ABCG4: variants seen among roughly 807,000 people sequenced by gnomAD.
ABCG4 encodes the protein ATP binding cassette subfamily G member 4.
In ABCG4, 35 loss-of-function variants were observed where a neutral mutation model predicts 64.6. The ratio of observed to expected loss-of-function variants is 0.54; its 90% CI spans 0.41 to 0.72. The LOEUF is 0.72. Among genes scored for constraint, ABCG4 ranks in the 30% least tolerant of loss-of-function variants. The probability of loss-of-function intolerance (pLI) is 0.00; values close to 1 mark genes in which losing one functional copy is unlikely to be tolerated. For missense variants in ABCG4, 610 were observed against 846.3 expected, an observed-to-expected ratio of 0.72 and a Z score of 3.46; for synonymous variants, 326 against 348.2, an observed-to-expected ratio of 0.94 and a Z score of 0.71.
At chr11:119,159,512 A>G (rs951751944) in intron 12 of ABCG4, among the ~76,000 whole-genome samples, 11 of 152,240 alleles carry the variant, frequency 7.2e-5, no homozygotes, top group African/African-American at 2.7e-4. Context: ...AAGTGTACCC[A>G]TCTATAAAAT....
In ABCG4 at chr11:119,155,518, C is replaced by T. The variant is rs1948253449; in HGVS notation, c.686+603C>T. On this transcript the variant is annotated intron_variant, in intron 6 of 14. Transcript: ENST00000619701. The surrounding 1 kb of genome is among the most constrained non-coding windows in gnomAD (Gnocchi z 4.5). ...TGTATTTTTAGTAGAGATGGGGTTT[C>T]ACCATGTTGGTCAGGCTGGTCTTGA... 1 of 152,594 alleles carries T rather than the reference C, an allele frequency of 6.6e-6. No individual in the cohort carries two copies. The highest frequency in any genetic ancestry group is 1.5e-5 in the Non-Finnish European group (1 of 68,372). The allele number at this position is 152,594 out of a possible 1,614,324, so 9.5% of individuals were successfully genotyped here.
Position 119,156,445 on chromosome 11 carries a change from T to C in ABCG4, c.803T>C (p.Phe268Ser). Residue 268 changes from phenylalanine to serine, a missense_variant, in exon 7 of 15, where the codon TTT (phenylalanine) becomes TCT (serine). Coordinates refer to ENST00000619701, the MANE Select transcript of ABCG4 (RefSeq NM_022169.5). This position sits in a 1 kb window ranked among gnomAD's most constrained non-coding sequence, Gnocchi z 5.5. ...CCCAGTGCCAAGCTCTTTGAGATGT[T>C]TGACAAGGTGAGTGTCTCCAGGCCT... ...HQPSAKLFEM[F>S]DKLYILSQGQ... The C allele has an allele frequency of 6.2e-7, 1 of 1,614,200 alleles. No homozygotes were observed. The highest frequency in any genetic ancestry group is 2.2e-5 in the East Asian group (1 of 44,880).
Position 119,154,894 on chromosome 11 carries a change from T to C in ABCG4, c.665T>C (p.Met222Thr). The C allele has an allele frequency of 6.2e-7, 1 of 1,612,308 alleles. No homozygotes were observed. The highest frequency in any genetic ancestry group is 1.1e-5 in the South Asian group (1 of 91,036). The change falls in exon 6 of 15, where the codon ATG becomes ACG. Residue 222 changes from methionine (M) to threonine (T), a missense_variant. Coordinates refer to ENST00000619701, the MANE Select transcript of ABCG4 (RefSeq NM_022169.5). The surrounding 1 kb of genome is among the most constrained non-coding windows in gnomAD (Gnocchi z 7.0). The part of the protein sequence containing the change: ...ALELVNNPPV[M>T]FFDEPTSGLD... ...GAGCTGGTCAACAACCCGCCTGTCA[T>C]GTTCTTTGATGAGCCCACCAGGTAG...
At position 119,154,672 on chromosome 11, in the gene ABCG4, A is replaced by T. The variant is rs1262141090; in HGVS notation, c.540+97A>T. ...AGTGGGAGAGTGGTGGCCTAGGCCG[A>T]GACAATGCACTTAAGGGAGATGCTT... On this transcript the variant is annotated intron_variant, in intron 5 of 14. Transcript: ENST00000619701. This position sits in a 1 kb window ranked among gnomAD's most constrained non-coding sequence, Gnocchi z 7.0. 6.3e-7 allele frequency: 1 copy of T among 1,594,326 alleles called. No individual in the cohort carries two copies. The highest frequency in any genetic ancestry group is 8.5e-7 in the Non-Finnish European group (1 of 1,169,770).
rs1050755436 is a variant in ABCG4 at position 119,149,245 on chromosome 11, C to G, written c.-131C>G. The G allele has an allele frequency of 3.3e-5, 5 of 150,988 alleles. No homozygotes were observed. Among genetic ancestry groups the G allele is most frequent in the Middle Eastern group, 3.2e-3 (1 of 314 alleles). 9.4% of individuals were successfully genotyped at this position (150,988 alleles called of 1,614,324 possible). ...CCGCCCCGGCCCGGGCCGCCGGGAC[C>G]GGGAGCCGGGACGCGGGTGCCGCAG... On this transcript the variant is annotated 5_prime_UTR_variant, in exon 1 of 15. Coordinates refer to ENST00000619701, the MANE Select transcript of ABCG4 (RefSeq NM_022169.5). The surrounding 1 kb of genome is among the most constrained non-coding windows in gnomAD (Gnocchi z 8.3).
Position 119,155,909 on chromosome 11 carries a change from C to A in ABCG4, c.687-420C>A. The A allele has an allele frequency of 4.7e-6, 1 of 211,294 alleles. No individual in the cohort carries two copies. The highest frequency in any genetic ancestry group is 9.7e-6 in the Non-Finnish European group (1 of 103,100). 13.1% of individuals were successfully genotyped at this position (211,294 alleles called of 1,614,324 possible). On this transcript the variant is annotated intron_variant, in intron 6 of 14. Coordinates refer to ENST00000619701, the MANE Select transcript of ABCG4 (RefSeq NM_022169.5). This position sits in a 1 kb window ranked among gnomAD's most constrained non-coding sequence, Gnocchi z 4.5. ...TGCCCTCTCCCCTTCACCTGCTTAGCTCTTACTCCTGGGCTCGCTCAGGAA... is the reference window on the plus strand; with the variant it reads ...TGCCCTCTCCCCTTCACCTGCTTAGATCTTACTCCTGGGCTCGCTCAGGAA...
At chr11:119,157,492 C>T (rs1295782550) in intron 9 of ABCG4, among the ~76,000 whole-genome samples, 2 of 152,214 alleles carry the variant, frequency 1.3e-5, no homozygotes. Context: ...GACACTGTAA[C>T]CCCTGAAAAC....
chr11:119,150,277 G>A lies in ABCG4; in HGVS notation c.238+74G>A, dbSNP rs2135115868. ...CTCTCCAGAAGCATGAGGCCTGGGT[G>A]TCCCATGTTCGGAAAGTCCTGCACC... On this transcript the variant is annotated intron_variant, in intron 2 of 14. Transcript: ENST00000619701. The surrounding 1 kb of genome is among the most constrained non-coding windows in gnomAD (Gnocchi z 4.3). 1 of 1,551,076 alleles carries A rather than the reference G, an allele frequency of 6.4e-7. No homozygotes were observed. The highest frequency in any genetic ancestry group is 1.2e-5 in the South Asian group (1 of 84,382).
In ABCG4 at chr11:119,161,675, A is replaced by C. The variant is rs1948356696; in HGVS notation, c.*569A>C. The C allele has an allele frequency of 6.5e-6, 1 of 153,578 alleles. No homozygotes were observed. The highest frequency in any genetic ancestry group is 2.4e-5 in the African/African-American group (1 of 41,438). The allele number at this position is 153,578 out of a possible 1,614,324, so 9.5% of individuals were successfully genotyped here. The stretch of plus-strand genomic sequence containing the variant: ...CCCCTAGACCCTGGCTGACTTGGAC[A>C]ATCTGCCAGGACAGAAGCTGGGTTT... On this transcript the variant is annotated 3_prime_UTR_variant, in exon 15 of 15. Coordinates refer to ENST00000619701, the MANE Select transcript of ABCG4 (RefSeq NM_022169.5).
rs572465991 is a variant in ABCG4, at chr11:119,156,876, C to T, written c.930C>T (p.Ile310=). The T allele has an allele frequency of 7.2e-5, 116 of 1,608,076 alleles. No homozygotes were observed. In the South Asian group the frequency reaches 1.2e-3, roughly 16 times the overall value. ...CTCTCCACTCTGTGTCCCCAGTCAT[C>T]GAGGTGGCCTCTGGCGAGTATGGAG... ...PTYHNPADFI[I]EVASGEYGDL... The change falls in exon 9 of 15, where the codon ATC becomes ATT. Residue 310 remains isoleucine (I), a synonymous_variant. Coordinates refer to ENST00000619701, the MANE Select transcript of ABCG4 (RefSeq NM_022169.5). This position sits in a 1 kb window ranked among gnomAD's most constrained non-coding sequence, Gnocchi z 5.5.
chr11:119,157,873 A>G (rs1457974611), intron 9 of ABCG4, among the ~76,000 whole-genome samples: 1 of 152,218 alleles, frequency 6.6e-6, no homozygotes, highest in Non-Finnish European at 1.5e-5. Context: ...CTCAAAAACA[A>G]AACAAAACAA....
rs199550761 is a variant in ABCG4, at chr11:119,160,651, T to C, written c.1710T>C (p.Tyr570=). 8.1e-6 allele frequency: 13 copies of C among 1,613,130 alleles called. No individual in the cohort carries two copies. The highest frequency in any genetic ancestry group is 9.3e-6 in the Non-Finnish European group (11 of 1,179,264). The part of the protein sequence containing the change: ...TYLQWSSYLS[Y]VRYGFEGVIL... ...TGCAATGGAGCTCCTATCTCTCCTA[T>C]GTCAGGTCAGTACCCCTGCCCTCCT... Residue 570 remains tyrosine, a synonymous_variant, in exon 14 of 15, where the codon TAT becomes TAC. Coordinates refer to ENST00000619701, the MANE Select transcript of ABCG4 (RefSeq NM_022169.5). This position sits in a 1 kb window ranked among gnomAD's most constrained non-coding sequence, Gnocchi z 4.6.
chr11:119,159,308 G>A (rs1410359568), intron 12 of ABCG4, among the ~76,000 whole-genome samples: 1 of 152,180 alleles, frequency 6.6e-6, no homozygotes, highest in African/African-American at 2.4e-5. Context: ...GCAACATGGC[G>A]AAATCCCATC....
In ABCG4 at chr11:119,158,373, T is replaced by C; in HGVS notation, c.1167+41T>C. On this transcript the variant is annotated intron_variant, in intron 10 of 14. Coordinates refer to ENST00000619701, the MANE Select transcript of ABCG4 (RefSeq NM_022169.5). This position sits in a 1 kb window ranked among gnomAD's most constrained non-coding sequence, Gnocchi z 4.5. The stretch of plus-strand genomic sequence containing the variant: ...GGGGGAGAGGAGGCTGGCACAGGCC[T>C]GACCTTTTGGGCTGTAGGATCCCAG... The C allele has an allele frequency of 6.2e-7, 1 of 1,600,944 alleles. No homozygotes were observed. Among genetic ancestry groups the C allele is most frequent in the East Asian group, 2.2e-5 (1 of 44,826 alleles).
chr11:119,152,217 CT>C (rs1948201766), intron 2 of ABCG4, among the ~76,000 whole-genome samples: 1 of 152,192 alleles, frequency 6.6e-6, no homozygotes, highest in African/African-American at 2.4e-5. Flanking sequence ...CAGGAAAGAA[CT>C]TGCTGTGTGA....
chr11:119,153,365 C>T (rs1477251760), intron 2 of ABCG4: 1 of 153,064 alleles, frequency 6.5e-6, no homozygotes, highest in African/African-American at 2.4e-5. Flanking sequence ...TTTTACTGGG[C>T]CATGTAGGGG....
In ABCG4 at chr11:119,158,054, T is replaced by C. The variant is rs1341224409; in HGVS notation, c.1069-180T>C. Among the ~76,000 whole-genome samples the C allele has an allele frequency of 6.6e-6, 1 of 152,192 alleles. No homozygotes were observed. Among genetic ancestry groups the C allele is most frequent in the Non-Finnish European group, 1.5e-5 (1 of 68,036 alleles). ...CCCCCTTTTTGTGTCTGAATCTTGC[T>C]CTGATTCATACCCCTAAGCCTAGCT... On this transcript the variant is annotated intron_variant, in intron 9 of 14. Coordinates refer to ENST00000619701, the MANE Select transcript of ABCG4 (RefSeq NM_022169.5). This position sits in a 1 kb window ranked among gnomAD's most constrained non-coding sequence, Gnocchi z 4.5.
rs1285427567 is a variant in ABCG4, at chr11:119,154,792, T to A, written c.563T>A (p.Leu188Gln). The change falls in exon 6 of 15, where the codon CTG becomes CAG. Residue 188 changes from leucine to glutamine, a missense_variant. Physicochemically the swap from Leu to Gln is moderately radical, Grantham distance 113. Transcript: ENST00000619701. This position sits in a 1 kb window ranked among gnomAD's most constrained non-coding sequence, Gnocchi z 7.0. The stretch of plus-strand genomic sequence containing the variant: ...CAGGTGACAGAGATCCTGACGGCAC[T>A]GGGCCTGATGTCGTGCTCCCACACG... ...KELVTEILTALGLMSCSHTRT... is the reference protein window; with the variant it reads ...KELVTEILTAQGLMSCSHTRT... The A allele has an allele frequency of 6.2e-7, 1 of 1,612,264 alleles. No homozygotes were observed. The highest frequency in any genetic ancestry group is 1.3e-5 in the African/African-American group (1 of 74,906).
Position 119,154,008 on chromosome 11 carries a change from C to T in ABCG4, c.239-18C>T. 9 of 1,610,752 alleles carry T rather than the reference C, an allele frequency of 5.6e-6. No individual in the cohort carries two copies. The highest frequency in any genetic ancestry group is 7.6e-6 in the Non-Finnish European group (9 of 1,177,040). ...TTCACTGCAGCCTGACTAAAAATTC[C>T]TCCCCACCTCACTGCAGGTTATAAG... On this transcript the variant is annotated intron_variant, in intron 2 of 14. Transcript: ENST00000619701. This position sits in a 1 kb window ranked among gnomAD's most constrained non-coding sequence, Gnocchi z 7.0.
Sources: allele counts gnomAD v4.1 joint callset (sites outside exome capture counted in the v4.1 genomes callset), GRCh38; gene constraint gnomAD v4.1.1; non-coding constraint Gnocchi (gnomAD v3.1); transcripts MANE v1.5; gene names NCBI Gene and HGNC (gene_info 2026-07-23, HGNC 2026-07-21).